ARB2A: variants seen among roughly 807,000 people sequenced by gnomAD.
ARB2A encodes the protein ARB2 cotranscriptional regulator A, also known as cotranscriptional regulator ARB2A.
At chr5:93,981,122 G>A in the ARB2A span, among the ~76,000 whole-genome samples, 1 of 149,162 alleles carries the variant, frequency 6.7e-6, no homozygotes, top group African/African-American at 2.5e-5. Context: ...GCTGGAGTGT[G>A]CAATGGCGCG....
chr5:93,792,648 CA>C, the ARB2A span, among the ~76,000 whole-genome samples: 20 of 133,432 alleles, frequency 1.5e-4, no homozygotes, highest in Middle Eastern at 0.016. Context: ...GGGAATTGAA[CA>C]ATGAGAAAAC....
chr5:93,694,819 C>T, the ARB2A span, among the ~76,000 whole-genome samples: 88 of 152,136 alleles, frequency 5.8e-4, no homozygotes, highest in South Asian at 7.7e-3. Flanking sequence ...CAAAACAGCA[C>T]GGTACTGGTA....
chr5:93,984,863 A>G, the ARB2A span, among the ~76,000 whole-genome samples: 1 of 152,226 alleles, frequency 6.6e-6, no homozygotes, highest in Non-Finnish European at 1.5e-5. Flanking sequence ...GAACTATATG[A>G]AAAACAATAT....
chr5:93,787,982 T>C, the ARB2A span, among the ~76,000 whole-genome samples: 4 of 152,216 alleles, frequency 2.6e-5, no homozygotes, highest in African/African-American at 7.2e-5. Context: ...TGTTACCTGA[T>C]AGTTTTGTTT....
the ARB2A span, among the ~76,000 whole-genome samples, chr5:93,716,427 G>C: frequency 2.9e-4 from 44 of 152,008 alleles, no homozygotes; most frequent in Non-Finnish European, 5.2e-4. Flanking sequence ...TTATTACTTT[G>C]CTTGAAATAC....
chr5:93,845,400 G>T, the ARB2A span, among the ~76,000 whole-genome samples: 1 of 152,180 alleles, frequency 6.6e-6, no homozygotes, highest in African/African-American at 2.4e-5. Flanking sequence ...CTGGGAGAAG[G>T]TCCCAAAATG....
At chr5:94,013,326 C>A in the ARB2A span, among the ~76,000 whole-genome samples, 3 of 151,786 alleles carry the variant, frequency 2.0e-5, no homozygotes, top group Non-Finnish European at 4.4e-5. Flanking sequence ...TACACGTGCC[C>A]GCCACCACGC....
chr5:94,092,965 A>G, the ARB2A span, among the ~76,000 whole-genome samples: 1 of 152,272 alleles, frequency 6.6e-6, no homozygotes, highest in South Asian at 2.1e-4. Flanking sequence ...AAATATTTTC[A>G]ATTGAACTCT....
chr5:93,982,133 A>G, the ARB2A span, among the ~76,000 whole-genome samples: 11 of 152,150 alleles, frequency 7.2e-5, no homozygotes, highest in African/African-American at 2.7e-4. Flanking sequence ...CAATATTTTC[A>G]GGCTGTGATA....
At chr5:94,029,840 C>A in the ARB2A span, among the ~76,000 whole-genome samples, 14 of 152,238 alleles carry the variant, frequency 9.2e-5, no homozygotes, top group African/African-American at 2.9e-4. Flanking sequence ...TGTATAATGG[C>A]GTATTAATCT....
At chr5:94,060,967 G>A in the ARB2A span, among the ~76,000 whole-genome samples, 6 of 152,136 alleles carry the variant, frequency 3.9e-5, no homozygotes, top group Admixed American at 3.9e-4. Context: ...GGCCAGGTGC[G>A]GTGGCTAACG....
chr5:93,986,072 C>A, the ARB2A span, among the ~76,000 whole-genome samples: 1 of 148,990 alleles, frequency 6.7e-6, no homozygotes. Flanking sequence ...TGCCCGGCCG[C>A]CCCGTCTGGG....
chr5:93,726,448 T>C, the ARB2A span, among the ~76,000 whole-genome samples: 1 of 152,022 alleles, frequency 6.6e-6, no homozygotes, highest in South Asian at 2.1e-4. Flanking sequence ...GCTGTTTCTC[T>C]AGGATTATGC....
chr5:93,758,055 G>A, the ARB2A span, among the ~76,000 whole-genome samples: 4 of 152,028 alleles, frequency 2.6e-5, no homozygotes, highest in African/African-American at 4.8e-5. Flanking sequence ...AGAAAACAGC[G>A]TTTCATGCAA....
the ARB2A span, among the ~76,000 whole-genome samples, chr5:93,973,366 T>A: frequency 6.6e-6 from 1 of 150,774 alleles, no homozygotes; most frequent in Non-Finnish European, 1.5e-5. Flanking sequence ...CAGACAAAAA[T>A]AAAGAAAAAA....
the ARB2A span, among the ~76,000 whole-genome samples, chr5:93,727,672 C>A: frequency 6.6e-6 from 1 of 151,928 alleles, no homozygotes; most frequent in Non-Finnish European, 1.5e-5. Context: ...GAGCAGACCT[C>A]TCAAAATTAT....
chr5:94,057,607 AT>A, the ARB2A span, among the ~76,000 whole-genome samples: 1 of 152,242 alleles, frequency 6.6e-6, no homozygotes, highest in Non-Finnish European at 1.5e-5. Context: ...TAAAAACTGT[AT>A]TAAATAAATG....
At chr5:93,695,228 A>G in the ARB2A span, among the ~76,000 whole-genome samples, 1 of 151,680 alleles carries the variant, frequency 6.6e-6, no homozygotes, top group Non-Finnish European at 1.5e-5. Flanking sequence ...ACAGCAATAG[A>G]AACTATCATC....
chr5:93,815,922 A>G, the ARB2A span, among the ~76,000 whole-genome samples: 1 of 152,176 alleles, frequency 6.6e-6, no homozygotes, highest in African/African-American at 2.4e-5. Flanking sequence ...TCTAAAGCCA[A>G]CCTCTACAGC....
Sources: gnomAD v4.1 joint callset for allele counts (sites outside exome capture counted in the v4.1 genomes callset) on GRCh38, gnomAD v4.1.1 for gene constraint, MANE v1.5 for transcripts, NCBI Gene and HGNC (gene_info 2026-07-23, HGNC 2026-07-21) for gene names.